The following COPB2 variants were observed in gnomAD, a reference collection of about 807,000 sequenced individuals.
The protein encoded by COPB2 is coat protein complex I subunit beta 2.
Under a neutral mutation model 120.8 loss-of-function variants are expected in COPB2, and 16 were observed. The ratio of observed to expected loss-of-function variants is 0.13; its 90% CI spans 0.09 to 0.20. COPB2 has a LOEUF of 0.20. Ranked by LOEUF, COPB2 falls within the 10% of genes least tolerant of loss-of-function variation. COPB2 has a pLI of 1.00. For missense variants in COPB2, 794 were observed against 1,076.5 expected (o/e 0.74, Z 3.67); for synonymous variants, 332 against 366.3 (o/e 0.91, Z 1.07).
chr3:139,368,056 A>G (rs1396236013), intron 13 of COPB2, 89 bp downstream of exon 13: 2 of 1,411,500 alleles, frequency 1.4e-6, no homozygotes, highest in South Asian at 1.6e-5. Flanking sequence ...CTAATTTATA[A>G]CGAAATGTTA....
At chr3:139,379,634 C>G in intron 2 of COPB2, 168 bp from the exon 3 acceptor site, 1 of 574,570 alleles carries the variant, frequency 1.7e-6, no homozygotes, top group Non-Finnish European at 3.1e-6. Flanking sequence ...GACCAACTAT[C>G]TTTTAATAGA....
intron 4 of COPB2, 56 bp downstream of exon 4, chr3:139,378,991 G>A (rs754896174): frequency 6.7e-7 from 1 of 1,500,162 alleles, no homozygotes; most frequent in African/African-American, 1.4e-5. Flanking sequence ...ATGTCTCAGT[G>A]AATGAAAATG....
Position 139,367,160 on chromosome 3 carries a change from A to G in COPB2, c.1546-15T>C, listed in dbSNP as rs1393062875. On this transcript the variant is annotated splice_polypyrimidine_tract_variant and intron_variant, in intron 13 of 21. Coordinates refer to ENST00000333188, the MANE Select transcript of COPB2 (RefSeq NM_004766.3). The stretch of plus-strand genomic sequence containing the variant: ...TCACCAAGAACCTGCAGAAAGAAAA[A>G]TAAAGACAATTACTTTATCCAACAT... 2 of 1,610,802 alleles carry G rather than the reference A, an allele frequency of 1.2e-6. No homozygotes were observed. Among genetic ancestry groups the G allele is most frequent in the East Asian group, 4.5e-5 (2 of 44,846 alleles).
intron 10 of COPB2, among the ~76,000 whole-genome samples, chr3:139,370,062 G>T (rs543574785): frequency 6.6e-6 from 1 of 152,298 alleles, no homozygotes; most frequent in South Asian, 2.1e-4. Context: ...ATGGGTGGAT[G>T]GGGGGTATGG....
chr3:139,369,682 CT>C (rs1467236220), intron 10 of COPB2, 138 bp from the exon 11 acceptor site: 1 of 625,442 alleles, frequency 1.6e-6, no homozygotes, highest in African/African-American at 1.8e-5. Context: ...ATCTGATGTA[CT>C]GTTTTCCTAA....
At chr3:139,389,664 C>T, upstream of COPB2, 1 of 1,123,868 alleles carries the variant, frequency 8.9e-7, no homozygotes, top group Non-Finnish European at 1.2e-6. Context: ...TTCCGGGAGC[C>T]GATTCTCGCG....
intron 6 of COPB2, 125 bp from the exon 7 acceptor site, chr3:139,374,713 A>G: frequency 3.4e-6 from 2 of 580,870 alleles, no homozygotes; most frequent in Admixed American, 7.4e-5. Flanking sequence ...ATAATATCCA[A>G]TATAGAAATT....
chr3:139,387,884 G>A (rs998144146), intron 1 of COPB2, among the ~76,000 whole-genome samples: 1 of 152,176 alleles, frequency 6.6e-6, no homozygotes, highest in African/African-American at 2.4e-5. Context: ...AGCAGTGCCT[G>A]ACCTACAGTA....
chr3:139,385,903 C>T (rs1273562136), intron 1 of COPB2, among the ~76,000 whole-genome samples: 1 of 152,132 alleles, frequency 6.6e-6, no homozygotes, highest in Non-Finnish European at 1.5e-5. Flanking sequence ...TAAACACAAC[C>T]TAAAAGCTCA....
In COPB2 at chr3:139,369,449, C is replaced by T; in HGVS notation, c.1294+7G>A. The T allele has an allele frequency of 6.2e-7, 1 of 1,607,654 alleles. No homozygotes were observed. The highest frequency in any genetic ancestry group is 8.5e-7 in the Non-Finnish European group (1 of 1,176,666). ...TTAAAAATGTATCATATGTAGATCA[C>T]ACTCACTTTCTGCTCCAAAATCTGG... On this transcript the variant is annotated splice_region_variant and intron_variant, in intron 11 of 21. Transcript: ENST00000333188.
chr3:139,363,465 C>G lies in COPB2; in HGVS notation c.1885-948G>C, dbSNP rs1222585893. ...GGAACAGTTTCATCCTGAAATGTACCCCCTTCCCATCTGTGGAAAAATTGT... is the reference window on the plus strand; with the variant it reads ...GGAACAGTTTCATCCTGAAATGTACGCCCTTCCCATCTGTGGAAAAATTGT... On this transcript the variant is annotated intron_variant, in intron 15 of 21. Coordinates refer to ENST00000333188, the MANE Select transcript of COPB2 (RefSeq NM_004766.3). Among the ~76,000 whole-genome samples, 13 of 152,218 alleles carry G rather than the reference C, an allele frequency of 8.5e-5. No individual in the cohort carries two copies. The East Asian group carries it at 2.3e-3, about 27-fold the overall frequency.
At chr3:139,388,452 GT>G (rs1941975095) in intron 1 of COPB2, 1 of 150,744 alleles carries the variant, frequency 6.6e-6, no homozygotes, top group Non-Finnish European at 1.5e-5. Flanking sequence ...ATGCAAAAAT[GT>G]TTGTTTCTCT....
At chr3:139,361,623 G>C (rs1941421836) in intron 16 of COPB2, among the ~76,000 whole-genome samples, 1 of 152,144 alleles carries the variant, frequency 6.6e-6, no homozygotes, top group Non-Finnish European at 1.5e-5. Flanking sequence ...ATTTTAACAA[G>C]TGATTTAATA....
In COPB2 at chr3:139,367,161, T is replaced by G; in HGVS notation, c.1546-16A>C. 1 of 1,609,702 alleles carries G rather than the reference T, an allele frequency of 6.2e-7. No individual in the cohort carries two copies. Among genetic ancestry groups the G allele is most frequent in the South Asian group, 1.1e-5 (1 of 90,332 alleles). ...CACCAAGAACCTGCAGAAAGAAAAA[T>G]AAAGACAATTACTTTATCCAACATC... On this transcript the variant is annotated splice_polypyrimidine_tract_variant and intron_variant, in intron 13 of 21. Coordinates refer to ENST00000333188, the MANE Select transcript of COPB2 (RefSeq NM_004766.3).
intron 15 of COPB2, among the ~76,000 whole-genome samples, chr3:139,364,332 C>G (rs1263728022): frequency 1.3e-5 from 2 of 152,156 alleles, no homozygotes; most frequent in African/African-American, 2.4e-5. Flanking sequence ...CCTCTCCCAC[C>G]TCATGACAAA....
intron 3 of COPB2, 66 bp from the exon 4 acceptor site, chr3:139,379,239 A>C (rs1387089079): frequency 1.0e-5 from 16 of 1,555,154 alleles, no homozygotes; most frequent in Non-Finnish European, 1.4e-5. Flanking sequence ...AAACTATATC[A>C]CAGGCTCAAG....
chr3:139,367,270 A>AT, intron 13 of COPB2, 125 bp from the exon 14 acceptor site: 1 of 1,176,934 alleles, frequency 8.5e-7, no homozygotes, highest in Non-Finnish European at 1.1e-6. Flanking sequence ...TCCTATTTCT[A>AT]GAAAAAAAAA....
chr3:139,371,978 T>C (rs927870244), intron 9 of COPB2, 145 bp from the exon 10 acceptor site: 6 of 610,860 alleles, frequency 9.8e-6, no homozygotes, highest in Non-Finnish European at 1.6e-5. Context: ...TTTTAAAAGT[T>C]ATACATTTCT....
chr3:139,383,577 C>G, intron 1 of COPB2, 142 bp from the exon 2 acceptor site: 1 of 721,566 alleles, frequency 1.4e-6, no homozygotes. Context: ...CAAGTCTAAG[C>G]ACTTATTTCT....
Sources: gnomAD v4.1 joint callset for allele counts (sites outside exome capture counted in the v4.1 genomes callset) on GRCh38, gnomAD v4.1.1 for gene constraint, MANE v1.5 for transcripts, NCBI Gene and HGNC (gene_info 2026-07-23, HGNC 2026-07-21) for gene names.